The following AVEN variants were observed in gnomAD, a reference collection of about 807,000 sequenced individuals.
AVEN encodes cell death regulator Aven.
AVEN carries 41 observed loss-of-function variants against 38.1 expected under a neutral mutation model. The ratio of observed to expected loss-of-function variants is 1.08; its 90% CI spans 0.84 to 1.40. AVEN has a LOEUF of 1.40. Ranked by LOEUF, AVEN falls within the 40% of genes most tolerant of loss-of-function variation. The pLI, the probability that AVEN is intolerant of heterozygous loss-of-function variation, is 0.00. For synonymous variants in AVEN, 206 were observed against 171.8 expected (o/e 1.20, Z -1.56); for missense variants, 605 against 438.8 (o/e 1.38, Z -3.38).
chr15:33,862,000 G>C (rs114058074), downstream of AVEN, among the ~76,000 whole-genome samples: 5 of 151,910 alleles, frequency 3.3e-5, no homozygotes, highest in Non-Finnish European at 7.3e-5. Context: ...CTTATTCTAC[G>C]GTAAAGCATT....
downstream of AVEN, chr15:33,854,894 A>T (rs781710500): frequency 1.4e-5 from 23 of 1,611,740 alleles, no homozygotes; most frequent in Non-Finnish European, 1.8e-5. Flanking sequence ...TGTCATCTGT[A>T]ACTCACAATG....
intron 4 of AVEN, chr15:34,065,617 A>G (rs1816895347): frequency 6.6e-6 from 1 of 152,258 alleles, no homozygotes; most frequent in Non-Finnish European, 1.5e-5. Flanking sequence ...TTCATTTTTA[A>G]AAACAAAGTG....
Position 34,029,595 on chromosome 15 carries a change from T to C in AVEN, c.267+9185A>G, listed in dbSNP as rs149843805. Among the ~76,000 whole-genome samples the C allele has an allele frequency of 8.5e-4, 128 of 150,740 alleles. 1 individual carries two copies. Among genetic ancestry groups the C allele is most frequent in the African/African-American group, 3.0e-3 (123 of 41,038 alleles). On this transcript the variant is annotated intron_variant, in intron 1 of 5. Transcript: ENST00000306730. Reference sequence around the variant, plus strand: ...GGAGTTGTTTACATATTCATAGTACTACTGACTTTAAAAAGAAAAGAAGCA... The same window carrying C: ...GGAGTTGTTTACATATTCATAGTACCACTGACTTTAAAAAGAAAAGAAGCA...
intron 1 of AVEN, among the ~76,000 whole-genome samples, chr15:34,013,644 G>A (rs1390465963): frequency 6.6e-6 from 1 of 152,162 alleles, no homozygotes; most frequent in Non-Finnish European, 1.5e-5. Flanking sequence ...ACAGTGCTGT[G>A]GGAAACACGG....
At chr15:33,968,117 A>AAAAAAAAAAAAAAAAAAAAC in intron 2 of AVEN, among the ~76,000 whole-genome samples, 1 of 147,954 alleles carries the variant, frequency 6.8e-6, no homozygotes, top group African/African-American at 2.4e-5. Flanking sequence ...AAAAAAAAAA[A>AAAAAAAAAAAAAAAAAAAAC]AAAAAAAAGC....
At chr15:33,921,585 G>C (rs1444043252) in intron 2 of AVEN, among the ~76,000 whole-genome samples, 1 of 152,214 alleles carries the variant, frequency 6.6e-6, no homozygotes, top group Non-Finnish European at 1.5e-5. Context: ...TAAGTTGGGA[G>C]CAGCCTGTGC....
At position 33,952,590 on chromosome 15, in the gene AVEN, CT is replaced by C. The variant is rs369577462; in HGVS notation, c.445+50441del. On this transcript the variant is annotated intron_variant, in intron 2 of 5. Transcript: ENST00000306730. ...AAGAGTATTACGTCTTTTTTAAAAA[CT>C]GGCTCCCAAAACAGCATAAATGAAA... Among the ~76,000 whole-genome samples the C allele has an allele frequency of 2.5e-4, 38 of 152,204 alleles. No homozygotes were observed. The East Asian group carries it at 6.6e-3, about 26-fold the overall frequency.
intron 2 of AVEN, among the ~76,000 whole-genome samples, chr15:33,984,607 G>A (rs1283371258): frequency 6.6e-6 from 1 of 152,058 alleles, no homozygotes; most frequent in East Asian, 1.9e-4. Context: ...TCTCCATGTT[G>A]GTCAAGCTGG....
intron 2 of AVEN, among the ~76,000 whole-genome samples, chr15:33,994,035 C>T (rs928694879): frequency 1.3e-5 from 2 of 152,222 alleles, no homozygotes; most frequent in Admixed American, 6.5e-5. Flanking sequence ...TGGGCACACA[C>T]GTGCTGGAGT....
At chr15:33,860,772 C>G (rs775262695) in intron 11 of AVEN, 1 of 864,168 alleles carries the variant, frequency 1.2e-6, no homozygotes, top group African/African-American at 1.8e-5. Context: ...AGCAAGAACG[C>G]AGTTTGTTTT....
intron 2 of AVEN, among the ~76,000 whole-genome samples, chr15:33,877,352 G>C (rs1191598730): frequency 6.6e-6 from 1 of 152,154 alleles, no homozygotes; most frequent in Non-Finnish European, 1.5e-5. Flanking sequence ...TGAATTAAAA[G>C]GCATCAACAC....
intron 2 of AVEN, among the ~76,000 whole-genome samples, chr15:33,882,824 C>T (rs1192376646): frequency 6.6e-6 from 1 of 152,106 alleles, no homozygotes; most frequent in East Asian, 1.9e-4. Context: ...GTGGAGCTGA[C>T]ATCATGCCAC....
rs1895017512 is a variant in AVEN at position 33,957,918 on chromosome 15, C to G, written c.445+45114G>C. 2.0e-5 allele frequency among the ~76,000 whole-genome samples: 3 copies of G among 152,100 alleles called. No individual in the cohort carries two copies. In the South Asian group the frequency reaches 6.2e-4, roughly 32 times the overall value. ...GTTTCCAAAGTGTGGTCCCTGAACC[C>G]AGTGGCACTTGGGAATTGTTAGAAA... On this transcript the variant is annotated intron_variant, in intron 2 of 5. Coordinates refer to ENST00000306730, the MANE Select transcript of AVEN (RefSeq NM_020371.3).
At position 33,867,612 on chromosome 15, in the gene AVEN, G is replaced by C. The variant is rs1411196615; in HGVS notation, c.856C>G (p.Leu286Val). The C allele has an allele frequency of 3.1e-6, 5 of 1,614,056 alleles. No homozygotes were observed. The highest frequency in any genetic ancestry group is 1.3e-5 in the African/African-American group (1 of 74,912). ...QSAGDHLEEELDLLLNLDAPI... is the reference protein window; with the variant it reads ...QSAGDHLEEEVDLLLNLDAPI... ...GCATCTAAATTAAGCAACAGATCTA[G>C]TTCTTCTTCCAAATGGTCTCCTGCT... The change falls in exon 5 of 6, where the codon CTA becomes GTA. Residue 286 changes from leucine to valine, a missense_variant. Coordinates refer to ENST00000306730, the MANE Select transcript of AVEN (RefSeq NM_020371.3).
intron 1 of AVEN, among the ~76,000 whole-genome samples, chr15:34,036,900 A>T (rs1254882148): frequency 6.6e-6 from 1 of 152,156 alleles, no homozygotes; most frequent in Non-Finnish European, 1.5e-5. Context: ...ACCTGAGGTC[A>T]GGAGTTCGAG....
chr15:33,873,089 C>G (rs1891056637), intron 3 of AVEN, among the ~76,000 whole-genome samples: 1 of 138,118 alleles, frequency 7.2e-6, no homozygotes, highest in African/African-American at 2.8e-5. Flanking sequence ...TCTACTTTTC[C>G]TTTTCTTTTT....
rs543719750 is a variant in AVEN, at chr15:33,971,327, G to A, written c.445+31705C>T. On this transcript the variant is annotated intron_variant, in intron 2 of 5. Transcript: ENST00000306730. ...TATATTGTAAAAGTAATGTGATTGT[G>A]TATCATTAGTTCCTTTCATAGAAAT... 5.3e-5 allele frequency among the ~76,000 whole-genome samples: 8 copies of A among 152,098 alleles called. 1 individual carries two copies. The highest frequency in any genetic ancestry group is 1.9e-4 in the African/African-American group (8 of 41,560).
chr15:33,904,576 T>A (rs1892609219), intron 2 of AVEN, among the ~76,000 whole-genome samples: 1 of 151,742 alleles, frequency 6.6e-6, no homozygotes, highest in African/African-American at 2.4e-5. Flanking sequence ...CACGCCTGGC[T>A]AATTTTTTGT....
chr15:33,855,333 A>G (rs138037537), downstream of AVEN, among the ~76,000 whole-genome samples: 807 of 152,278 alleles, frequency 5.3e-3, 4 homozygotes, highest in African/African-American at 0.019. Flanking sequence ...CCTCCAGAGT[A>G]GCTGGGATTA....
Sources: gnomAD v4.1 joint callset for allele counts (sites outside exome capture counted in the v4.1 genomes callset) on GRCh38, gnomAD v4.1.1 for gene constraint, MANE v1.5 for transcripts, NCBI Gene and HGNC (gene_info 2026-07-23, HGNC 2026-07-21) for gene names.